CFAP77: variants seen among roughly 807,000 people sequenced by gnomAD.
CFAP77 encodes the protein cilia and flagella associated protein 77.
CFAP77 carries 25 observed loss-of-function variants against 31.1 expected under a neutral mutation model. The ratio of observed to expected loss-of-function variants is 0.80; its 90% CI spans 0.59 to 1.12. The LOEUF (loss-of-function observed/expected upper bound fraction) is 1.12. CFAP77 is among the 50% of genes most tolerant of loss of function. The pLI is 0.00. For synonymous variants in CFAP77, 151 were observed against 159.9 expected, an observed-to-expected ratio of 0.94 and a Z score of 0.42; for missense variants, 377 against 397.3, an observed-to-expected ratio of 0.95 and a Z score of 0.44.
chr9:132,569,410 G>A (rs540670875), intron 5 of CFAP77, among the ~76,000 whole-genome samples: 43 of 152,080 alleles, frequency 2.8e-4, no homozygotes, highest in African/African-American at 8.0e-4. Flanking sequence ...TGATGGGGGC[G>A]GAGGGTGGTA....
intron 1 of CFAP77, among the ~76,000 whole-genome samples, chr9:132,449,270 CT>C: frequency 1.3e-5 from 1 of 78,320 alleles, no homozygotes; most frequent in South Asian, 3.9e-4. Flanking sequence ...CTCCCTTGCA[CT>C]CACCCTCCTC....
intron 3 of CFAP77, among the ~76,000 whole-genome samples, chr9:132,532,391 C>T (rs979679649): frequency 2.0e-5 from 3 of 152,306 alleles, no homozygotes; most frequent in Middle Eastern, 3.4e-3. Flanking sequence ...CCTGATAGGG[C>T]GATAGGGCAG....
At chr9:132,479,964 C>T (rs531422561) in intron 1 of CFAP77, among the ~76,000 whole-genome samples, 1 of 152,300 alleles carries the variant, frequency 6.6e-6, no homozygotes, top group South Asian at 2.1e-4. Context: ...GAGCTCTCCA[C>T]TGTGCGCCTC....
intron 5 of CFAP77, among the ~76,000 whole-genome samples, chr9:132,569,789 G>A (rs1382684296): frequency 6.9e-6 from 1 of 144,376 alleles, no homozygotes; most frequent in Non-Finnish European, 1.5e-5. Flanking sequence ...AGGCTGGAGT[G>A]CAGTGGCACA....
At chr9:132,520,666 T>C (rs189959502) in intron 3 of CFAP77, among the ~76,000 whole-genome samples, 1 of 152,298 alleles carries the variant, frequency 6.6e-6, no homozygotes, top group East Asian at 1.9e-4. Context: ...CATTTCCATA[T>C]CCCAGAAGTC....
rs1829976874 is a variant in CFAP77, at chr9:132,572,728, G to A, written c.*218G>A. 1.8e-6 allele frequency: 1 copy of A among 547,844 alleles called. No individual in the cohort carries two copies. Among genetic ancestry groups the A allele is most frequent in the East Asian group, 3.3e-5 (1 of 30,628 alleles). 33.9% of individuals were successfully genotyped at this position (547,844 alleles called of 1,614,324 possible). On this transcript the variant is annotated 3_prime_UTR_variant, in exon 6 of 6. Transcript: ENST00000393216. ...CTTAGCCCCAGTGACCCTCTACCTGGAGCCTCCTCCTCTCCTCCTCCTTCT... is the reference window on the plus strand; with the variant it reads ...CTTAGCCCCAGTGACCCTCTACCTGAAGCCTCCTCCTCTCCTCCTCCTTCT...
chr9:132,537,850 A>G (rs1270035789), intron 4 of CFAP77, 144 bp downstream of exon 4: 1 of 644,796 alleles, frequency 1.6e-6, no homozygotes, highest in Non-Finnish European at 2.8e-6. Context: ...TCTGCCCAGC[A>G]TCAGAGAATC....
rs142270112 is a variant in CFAP77 at position 132,539,954 on chromosome 9, G to A, written c.630+2248G>A. ...GTTTTTGTTTGTTTGTTTTTGAGAC[G>A]GAGTTTTGCTCTTGTTGCCCAGGCT... is the stretch of plus-strand genomic sequence containing the variant. On this transcript the variant is annotated intron_variant, in intron 4 of 5. Transcript: ENST00000393216. This position sits in a 1 kb window ranked among gnomAD's most constrained non-coding sequence, Gnocchi z 4.3. 1.1e-3 allele frequency among the ~76,000 whole-genome samples: 160 copies of A among 151,884 alleles called. No homozygotes were observed. Among genetic ancestry groups the A allele is most frequent in the African/African-American group, 3.6e-3 (149 of 41,414 alleles).
At chr9:132,425,414 C>A (rs56689427) in intron 1 of CFAP77, among the ~76,000 whole-genome samples, 6,972 of 152,082 alleles carry the variant, frequency 0.046, 483 homozygotes, top group African/African-American at 0.16. Context: ...CTCAATGCTC[C>A]CCCCTCCTTA....
In CFAP77 at chr9:132,455,505, A is replaced by G. The variant is rs1017955726; in HGVS notation, c.196-43190A>G. Among the ~76,000 whole-genome samples, 4 of 140,958 alleles carry G rather than the reference A, an allele frequency of 2.8e-5. No individual in the cohort carries two copies. The highest frequency in any genetic ancestry group is 6.2e-5 in the Non-Finnish European group (4 of 64,802). 92.5% of individuals were successfully genotyped at this position (140,958 alleles called of 152,430 possible). On this transcript the variant is annotated intron_variant, in intron 1 of 5. Transcript: ENST00000393216. The surrounding 1 kb of genome is among the most constrained non-coding windows in gnomAD (Gnocchi z 4.1). Reference sequence around the variant, plus strand: ...CCTGGGTGGCAGAGCGAGACTCCTGAAAAAAAAAAACAAAAAAACTTCGAG... The same window carrying G: ...CCTGGGTGGCAGAGCGAGACTCCTGGAAAAAAAAAACAAAAAAACTTCGAG...
intron 1 of CFAP77, among the ~76,000 whole-genome samples, chr9:132,458,342 C>CGGGGGGGGGGGG (rs1554738844): frequency 5.6e-5 from 4 of 71,228 alleles, no homozygotes; most frequent in African/African-American, 1.7e-4. Context: ...GTCTCCCTGG[C>CGGGGGGGGGGGG]GGGGGAGGGG....
chr9:132,490,056 T>G lies in CFAP77; in HGVS notation c.196-8639T>G, dbSNP rs1851626805. The stretch of plus-strand genomic sequence containing the variant: ...TGTCTGGTGAGAGCCTAGTCTTTGC[T>G]TCCAAGATGGTGCCTTGGTGCTGTA... On this transcript the variant is annotated intron_variant, in intron 1 of 5. Transcript: ENST00000393216. This position sits in a 1 kb window ranked among gnomAD's most constrained non-coding sequence, Gnocchi z 4.6. Among the ~76,000 whole-genome samples the G allele has an allele frequency of 6.6e-6, 1 of 152,170 alleles. No homozygotes were observed. The highest frequency in any genetic ancestry group is 1.5e-5 in the Non-Finnish European group (1 of 68,026).
chr9:132,440,151 C>T (rs1277735919), intron 1 of CFAP77, among the ~76,000 whole-genome samples: 1 of 151,810 alleles, frequency 6.6e-6, no homozygotes, highest in African/African-American at 2.4e-5. Flanking sequence ...GGCAACATTG[C>T]GAAGCCCCCT....
At chr9:132,451,275 T>G (rs1345737343) in intron 1 of CFAP77, among the ~76,000 whole-genome samples, 1 of 148,398 alleles carries the variant, frequency 6.7e-6, no homozygotes, top group Non-Finnish European at 1.5e-5. Context: ...GAGGCGGAGG[T>G]TGCAGTGAGC....
At chr9:132,475,152 C>T (rs1851330341) in intron 1 of CFAP77, among the ~76,000 whole-genome samples, 2 of 152,204 alleles carry the variant, frequency 1.3e-5, no homozygotes, top group Non-Finnish European at 2.9e-5. Context: ...ATTAACCGAG[C>T]CTGAGGTCTT....
chr9:132,549,649 T>G (rs993609324), intron 5 of CFAP77, among the ~76,000 whole-genome samples: 1 of 151,924 alleles, frequency 6.6e-6, no homozygotes, highest in African/African-American at 2.4e-5. Context: ...ACCAGCCTGG[T>G]CAATATGGTG....
chr9:132,421,002 CTTTTTTTTT>C (rs754764941), intron 1 of CFAP77, among the ~76,000 whole-genome samples: 1 of 74,516 alleles, frequency 1.3e-5, no homozygotes, highest in Admixed American at 1.6e-4. Context: ...TGGCTTGTGT[CTTTTTTTTT>C]TTTTTTTTTT....
intron 1 of CFAP77, among the ~76,000 whole-genome samples, chr9:132,430,253 G>A (rs1005866753): frequency 5.3e-5 from 8 of 151,788 alleles, no homozygotes; most frequent in Non-Finnish European, 1.0e-4. Flanking sequence ...TTGCCTTTTG[G>A]AAAATACTTT....
At chr9:132,535,754 C>A (rs1398436854) in intron 3 of CFAP77, among the ~76,000 whole-genome samples, 1 of 150,062 alleles carries the variant, frequency 6.7e-6, no homozygotes, top group African/African-American at 2.5e-5. Context: ...AATAAAGTCA[C>A]TTGAAATCAT....
Sources: gnomAD v4.1 joint callset for allele counts (sites outside exome capture counted in the v4.1 genomes callset) on GRCh38, gnomAD v4.1.1 for gene constraint, Gnocchi (gnomAD v3.1) non-coding constraint, MANE v1.5 for transcripts, NCBI Gene and HGNC (gene_info 2026-07-23, HGNC 2026-07-21) for gene names.